The following ZNF337 variants were observed in gnomAD, a reference collection of about 807,000 sequenced individuals.
ZNF337 encodes zinc finger protein 337.
A neutral mutation model predicts 12.1 loss-of-function variants in ZNF337; 8 were observed. That is an observed-to-expected ratio of 0.66 (90% CI 0.39 to 1.19). The LOEUF is 1.19. Ranked by LOEUF, ZNF337 falls within the 50% of genes most tolerant of loss-of-function variation. The probability of loss-of-function intolerance (pLI) is 0.01; values close to 1 mark genes in which losing one functional copy is unlikely to be tolerated. For missense variants in ZNF337, 882 were observed against 896.6 expected (o/e 0.98, Z 0.21); for synonymous variants, 336 against 320.0 (o/e 1.05, Z -0.53).
At chr20:25,678,976 C>T (rs1280997728) in intron 4 of ZNF337, among the ~76,000 whole-genome samples, 1 of 150,544 alleles carries the variant, frequency 6.6e-6, no homozygotes, top group Non-Finnish European at 1.5e-5. Flanking sequence ...TACACATAGA[C>T]CAATAAAAGA....
intron 1 of ZNF337, among the ~76,000 whole-genome samples, chr20:25,689,461 A>G (rs1183513518): frequency 6.6e-6 from 1 of 152,116 alleles, no homozygotes; most frequent in Non-Finnish European, 1.5e-5. Flanking sequence ...ATTCTTGACT[A>G]TTTTCCTCTG....
At position 25,675,247 on chromosome 20, in the gene ZNF337, T is replaced by A; in HGVS notation, c.2041A>T (p.Lys681Ter). 6.2e-7 allele frequency: 1 copy of A among 1,614,102 alleles called. No individual in the cohort carries two copies. The highest frequency in any genetic ancestry group is 8.5e-7 in the Non-Finnish European group (1 of 1,180,016). ...TCCTGGCAAACAAAAGGCTTCTCCT[T>A]TGAGTGTATCCGCCAGTGGTGTCTG... ...LTRHHWRIHS[K>*]EKPFVCQECK... is the part of the protein sequence containing the mutation. Residue 681 changes from lysine to a stop codon, truncating the protein, a stop_gained, in exon 5 of 5, where the codon AAG becomes TAG. Transcript: ENST00000252979. LOFTEE classifies it low-confidence loss of function (END_TRUNC).
chr20:25,683,067 A>G (rs1009270916), intron 4 of ZNF337, among the ~76,000 whole-genome samples: 19 of 152,202 alleles, frequency 1.2e-4, no homozygotes, highest in Admixed American at 5.2e-4. Context: ...TATCATTGTC[A>G]TAAGCAGAAA....
In ZNF337 at chr20:25,673,351, C is replaced by G. The variant is rs1241728070; in HGVS notation, c.*1681G>C. 2.0e-5 allele frequency among the ~76,000 whole-genome samples: 3 copies of G among 152,198 alleles called. No homozygotes were observed. The highest frequency in any genetic ancestry group is 4.4e-5 in the Non-Finnish European group (3 of 68,036). On this transcript the variant is annotated 3_prime_UTR_variant, in exon 5 of 5. Coordinates refer to ENST00000252979, the MANE Select transcript of ZNF337 (RefSeq NM_015655.4). Reference sequence around the variant, plus strand: ...AAAAGGATAGGCATATTGCATGTATCTTCCCTGTGCTGGACAAGGGTTGTG... The same window carrying G: ...AAAAGGATAGGCATATTGCATGTATGTTCCCTGTGCTGGACAAGGGTTGTG...
At chr20:25,696,088 C>A (rs1396595944) in intron 1 of ZNF337, among the ~76,000 whole-genome samples, 3 of 28,180 alleles carry the variant, frequency 1.1e-4, no homozygotes, top group African/African-American at 2.9e-4. Flanking sequence ...CCACGCAGAT[C>A]CCCCCCCCCC....
chr20:25,674,936 A>T lies in ZNF337; in HGVS notation c.*96T>A. The T allele has an allele frequency of 8.7e-7, 1 of 1,148,048 alleles. No individual in the cohort carries two copies. Among genetic ancestry groups the T allele is most frequent in the Non-Finnish European group, 1.2e-6 (1 of 802,424 alleles). The allele number at this position is 1,148,048 out of a possible 1,614,324, so 71.1% of individuals were successfully genotyped here. Reference sequence around the variant, plus strand: ...TCTGGATTCTGTCTGCCTCTGTTATATCTTCACGAACAAGTTATGCAGCCT... The same window carrying T: ...TCTGGATTCTGTCTGCCTCTGTTATTTCTTCACGAACAAGTTATGCAGCCT... On this transcript the variant is annotated 3_prime_UTR_variant, in exon 5 of 5. Transcript: ENST00000252979.
intron 1 of ZNF337, 96 bp downstream of exon 1, chr20:25,696,663 G>GCCCCAGCAGCGCCCTCACGT: frequency 3.5e-6 from 3 of 857,798 alleles, no homozygotes; most frequent in Non-Finnish European, 4.2e-6. Flanking sequence ...GCGCGCTACG[G>GCCCCAGCAGCGCCCTCACGT]CCCCAGCAGC....
At chr20:25,691,872 C>T (rs548827478) in intron 1 of ZNF337, among the ~76,000 whole-genome samples, 11 of 152,184 alleles carry the variant, frequency 7.2e-5, no homozygotes, top group Non-Finnish European at 1.6e-4. Flanking sequence ...CAGTCCACGT[C>T]GCTCCTCACT....
At position 25,675,998 on chromosome 20, in the gene ZNF337, T is replaced by C. The variant is rs2090734119; in HGVS notation, c.1290A>G (p.Lys430=). The C allele has an allele frequency of 6.2e-7, 1 of 1,609,060 alleles. No homozygotes were observed. Among genetic ancestry groups the C allele is most frequent in the Non-Finnish European group, 8.5e-7 (1 of 1,178,086 alleles). Residue 430 remains lysine, a synonymous_variant, in exon 5 of 5, where the codon AAA becomes AAG. Transcript: ENST00000252979. ...VYHQRTHSGE[K]PFVCRECGQG... ...GCCCACATTCTCTACAAACAAAAGG[T>C]TTCTCCCCTGAGTGTGTTCTCTGGT...
chr20:25,689,030 G>C (rs373258148), intron 1 of ZNF337, among the ~76,000 whole-genome samples: 2 of 150,816 alleles, frequency 1.3e-5, no homozygotes, highest in Non-Finnish European at 3.0e-5. Flanking sequence ...CCAGCTACTC[G>C]GGAGGCTGAG....
At chr20:25,695,997 G>A (rs905102453) in intron 1 of ZNF337, among the ~76,000 whole-genome samples, 2 of 151,888 alleles carry the variant, frequency 1.3e-5, no homozygotes, top group Admixed American at 6.6e-5. Context: ...GGCAGAACCC[G>A]GATTTTGCCG....
chr20:25,685,629 C>G lies in ZNF337; in HGVS notation c.188G>C (p.Arg63Pro). 1 of 1,614,178 alleles carries G rather than the reference C, an allele frequency of 6.2e-7. No homozygotes were observed. Among genetic ancestry groups the G allele is most frequent in the Non-Finnish European group, 8.5e-7 (1 of 1,180,022 alleles). ...CCAGGGCACTTCCCCTTGCTCTAGCCGCCTGATGAGTTCTGGTTTAGAATG... is the reference window on the plus strand; with the variant it reads ...CCAGGGCACTTCCCCTTGCTCTAGCGGCCTGATGAGTTCTGGTTTAGAATG... ...ILHSKPELIRRLEQGEVPWGE... is the reference protein window; with the variant it reads ...ILHSKPELIRPLEQGEVPWGE... Residue 63 changes from arginine to proline, a missense_variant, in exon 4 of 5, where the codon CGG (arginine) becomes CCG (proline). Transcript: ENST00000252979.
At position 25,675,059 on chromosome 20, in the gene ZNF337, T is replaced by C. The variant is rs1363508832; in HGVS notation, c.2229A>G (p.Thr743=). 6.2e-7 allele frequency: 1 copy of C among 1,613,864 alleles called. No homozygotes were observed. Among genetic ancestry groups the C allele is most frequent in the Admixed American group, 1.7e-5 (1 of 59,986 alleles). The part of the protein sequence containing the change: ...KRHLREKRFC[T]GSVGEASS ...AAGATGAAGCCTCACCCACACTCCC[T>C]GTACAAAAACGCTTCTCACGTAAGT... Residue 743 remains threonine (T), a synonymous_variant, in exon 5 of 5, where the codon ACA becomes ACG. Coordinates refer to ENST00000252979, the MANE Select transcript of ZNF337 (RefSeq NM_015655.4).
chr20:25,687,118 G>T (rs6138638), intron 1 of ZNF337, among the ~76,000 whole-genome samples: 1 of 152,158 alleles, frequency 6.6e-6, no homozygotes, highest in Non-Finnish European at 1.5e-5. Context: ...CATTAATTTT[G>T]TTGTTATAAA....
At chr20:25,688,379 ATTT>A (rs1441122894) in intron 1 of ZNF337, among the ~76,000 whole-genome samples, 2 of 151,722 alleles carry the variant, frequency 1.3e-5, no homozygotes, top group South Asian at 4.2e-4. Context: ...TGAATAAAAA[ATTT>A]TTTTTTCTGT....
rs1569007098 is a variant in ZNF337 at position 25,676,699 on chromosome 20, T to C, written c.589A>G (p.Ile197Val). The C allele has an allele frequency of 2.5e-6, 4 of 1,614,130 alleles. No homozygotes were observed. Among genetic ancestry groups the C allele is most frequent in the South Asian group, 1.1e-5 (1 of 91,090 alleles). Residue 197 changes from isoleucine (I) to valine (V), a missense_variant, in exon 5 of 5, where the codon ATA (isoleucine) becomes GTA (valine). Ile to Val is a conservative substitution (Grantham distance 29). Transcript: ENST00000252979. ...TGCCTGGAATGTGCTTTTTTGTGTA[T>C]GATTACCATCATCTTCCGGCTGAAG... ...QDFSRKMMVIIHKKAHSRQKL... is the reference protein window; with the variant it reads ...QDFSRKMMVIVHKKAHSRQKL...
chr20:25,683,532 C>T (rs1044518214), intron 4 of ZNF337, among the ~76,000 whole-genome samples: 1 of 151,100 alleles, frequency 6.6e-6, no homozygotes, highest in African/African-American at 2.4e-5. Flanking sequence ...AAAACCCCAT[C>T]AAAAAATGGG....
In ZNF337 at chr20:25,676,412, A is replaced by G; in HGVS notation, c.876T>C (p.Tyr292=). 1 of 1,614,058 alleles carries G rather than the reference A, an allele frequency of 6.2e-7. No individual in the cohort carries two copies. The highest frequency in any genetic ancestry group is 8.5e-7 in the Non-Finnish European group (1 of 1,180,016). Residue 292 remains tyrosine (Y), a synonymous_variant, in exon 5 of 5, where the codon TAT becomes TAC. Coordinates refer to ENST00000252979, the MANE Select transcript of ZNF337 (RefSeq NM_015655.4). ...HERTHTGEKP[Y]ECQECGRRFN... ...ACCTTCGCCCACACTCCTGGCATTC[A>G]TAAGGCTTCTCTCCTGTGTGTGTTC...
rs147329950 is a variant in ZNF337 at position 25,676,002 on chromosome 20, T to C, written c.1286A>G (p.Glu429Gly). ...ACATTCTCTACAAACAAAAGGTTTC[T>C]CCCCTGAGTGTGTTCTCTGGTGGTA... is the stretch of plus-strand genomic sequence containing the variant. Reference protein sequence around the residue: ...LVYHQRTHSGEKPFVCRECGQ... With the variant: ...LVYHQRTHSGGKPFVCRECGQ... Residue 429 changes from glutamate to glycine, a missense_variant, in exon 5 of 5, where the codon GAG becomes GGG. Physicochemically the swap from Glu to Gly is moderately conservative, Grantham distance 98. Coordinates refer to ENST00000252979, the MANE Select transcript of ZNF337 (RefSeq NM_015655.4). 1 of 1,613,802 alleles carries C rather than the reference T, an allele frequency of 6.2e-7. No homozygotes were observed. Among genetic ancestry groups the C allele is most frequent in the Non-Finnish European group, 8.5e-7 (1 of 1,179,702 alleles).
Sources: allele counts gnomAD v4.1 joint callset (sites outside exome capture counted in the v4.1 genomes callset), GRCh38; gene constraint gnomAD v4.1.1; transcripts MANE v1.5; gene names NCBI Gene and HGNC (gene_info 2026-07-23, HGNC 2026-07-21).